Variants in GMDS observed in about 807,000 individuals in gnomAD.
The protein encoded by GMDS is GDP-mannose 4,6 dehydratase.
In GMDS, 20 loss-of-function variants were observed where a neutral mutation model predicts 49.9. The observed-to-expected ratio is 0.40, with a 90% CI of 0.28 to 0.58. The LOEUF is 0.58. GMDS is among the 20% of genes least tolerant of loss of function. The pLI is 0.42. For synonymous variants in GMDS, 177 were observed against 178.6 expected (o/e 0.99, Z 0.07); for missense variants, 362 against 481.4 (o/e 0.75, Z 2.32).
At chr6:2,123,222 A>G in intron 2 of GMDS, among the ~76,000 whole-genome samples, 1 of 152,194 alleles carries the variant, frequency 6.6e-6, no homozygotes, top group East Asian at 1.9e-4. Context: ...CCATCACTGC[A>G]GCGCATAGCC....
intron 2 of GMDS, among the ~76,000 whole-genome samples, chr6:2,122,608 T>C (rs1775201581): frequency 6.6e-6 from 1 of 152,212 alleles, no homozygotes; most frequent in Non-Finnish European, 1.5e-5. Context: ...CATAAAAACA[T>C]AAGGCCTGTG....
chr6:1,821,611 G>GTTTTTTT (rs3039703), intron 7 of GMDS, among the ~76,000 whole-genome samples: 3 of 109,850 alleles, frequency 2.7e-5, no homozygotes, highest in Non-Finnish European at 3.7e-5. Flanking sequence ...CAATTTATTT[G>GTTTTTTT]TTTTTTTTTT....
chr6:1,702,590 C>T (rs1765580440), intron 9 of GMDS, among the ~76,000 whole-genome samples: 1 of 152,212 alleles, frequency 6.6e-6, no homozygotes, highest in East Asian at 1.9e-4. Context: ...GGAGAGAAGC[C>T]ACCACGTTGT....
chr6:2,069,872 T>A (rs12179846), intron 4 of GMDS, among the ~76,000 whole-genome samples: 1 of 151,738 alleles, frequency 6.6e-6, no homozygotes, highest in Non-Finnish European at 1.5e-5. Context: ...ATCCCTCAGG[T>A]ATCTAGAATT....
intron 7 of GMDS, among the ~76,000 whole-genome samples, chr6:1,857,772 A>C (rs1758001938): frequency 6.6e-6 from 1 of 152,166 alleles, no homozygotes; most frequent in South Asian, 2.1e-4. Context: ...TTTGTTTATT[A>C]ATAAAAATCA....
At chr6:1,891,634 A>G (rs1759875473) in intron 7 of GMDS, among the ~76,000 whole-genome samples, 1 of 152,254 alleles carries the variant, frequency 6.6e-6, no homozygotes, top group Admixed American at 6.5e-5. Flanking sequence ...GAAGAGGACG[A>G]ACCGCTAGGG....
At chr6:1,667,155 G>A (rs1764262512) in intron 9 of GMDS, among the ~76,000 whole-genome samples, 1 of 152,208 alleles carries the variant, frequency 6.6e-6, no homozygotes. Context: ...GAAGAAGCAG[G>A]TCTGTTAAGC....
intron 7 of GMDS, among the ~76,000 whole-genome samples, chr6:1,745,218 C>T (rs1382469839): frequency 6.6e-6 from 1 of 152,218 alleles, no homozygotes; most frequent in Admixed American, 6.5e-5. Context: ...TCTTTAGAAA[C>T]AGTCCGCTGT....
At chr6:2,218,113 T>G (rs1780420882) in intron 1 of GMDS, among the ~76,000 whole-genome samples, 1 of 152,106 alleles carries the variant, frequency 6.6e-6, no homozygotes, top group Admixed American at 6.5e-5. Context: ...CCACCTTTCC[T>G]CACTGCTTCC....
intron 7 of GMDS, among the ~76,000 whole-genome samples, chr6:1,774,463 T>G (rs948360861): frequency 6.6e-6 from 1 of 152,242 alleles, no homozygotes; most frequent in African/African-American, 2.4e-5. Flanking sequence ...CAGCTGCAGA[T>G]AGTTTTCATA....
At chr6:2,166,576 T>C in intron 1 of GMDS, among the ~76,000 whole-genome samples, 1 of 152,162 alleles carries the variant, frequency 6.6e-6, no homozygotes, top group East Asian at 1.9e-4. Flanking sequence ...CTCCTCACAA[T>C]CACCCACAAA....
intron 7 of GMDS, among the ~76,000 whole-genome samples, chr6:1,840,678 C>A (rs1364238455): frequency 6.6e-6 from 1 of 152,188 alleles, no homozygotes; most frequent in Non-Finnish European, 1.5e-5. Context: ...GCCGCACTTC[C>A]AAGTGGAGCA....
chr6:1,905,229 G>A (rs1760697336), intron 7 of GMDS, among the ~76,000 whole-genome samples: 1 of 152,274 alleles, frequency 6.6e-6, no homozygotes, highest in Admixed American at 6.5e-5. Context: ...CTCACCCCTG[G>A]TGCCGAGGGC....
chr6:2,142,207 T>C (rs1304453247), intron 1 of GMDS, among the ~76,000 whole-genome samples: 2 of 152,104 alleles, frequency 1.3e-5, no homozygotes, highest in Non-Finnish European at 1.5e-5. Flanking sequence ...GAAGGAGCTG[T>C]TTAAATAACA....
chr6:1,732,978 G>A (rs1428063266), intron 8 of GMDS, among the ~76,000 whole-genome samples: 1 of 152,258 alleles, frequency 6.6e-6, no homozygotes, highest in East Asian at 1.9e-4. Context: ...AAGCGAGACT[G>A]CAACGAAGAA....
intron 7 of GMDS, among the ~76,000 whole-genome samples, chr6:1,901,230 G>A (rs746780882): frequency 1.6e-4 from 25 of 152,174 alleles, no homozygotes; most frequent in Middle Eastern, 3.2e-3. Flanking sequence ...GAGATGGCCT[G>A]TGCTAATTAC....
intron 9 of GMDS, among the ~76,000 whole-genome samples, chr6:1,656,636 T>C (rs981980557): frequency 1.3e-5 from 2 of 151,890 alleles, no homozygotes; most frequent in Non-Finnish European, 2.9e-5. Flanking sequence ...TGGTGGTGTG[T>C]GCCTGTAATC....
At chr6:2,056,001 A>T in intron 4 of GMDS, among the ~76,000 whole-genome samples, 1 of 152,306 alleles carries the variant, frequency 6.6e-6, no homozygotes, top group Non-Finnish European at 1.5e-5. Context: ...ACATCTAATT[A>T]TTAGCATGTC....
At chr6:1,999,262 C>A (rs1174980584) in intron 4 of GMDS, among the ~76,000 whole-genome samples, 1 of 144,986 alleles carries the variant, frequency 6.9e-6, no homozygotes, top group Non-Finnish European at 1.5e-5. Context: ...TTGGAGGCTG[C>A]AGTGAGCCGA....
Sources: allele counts gnomAD v4.1 joint callset (sites outside exome capture counted in the v4.1 genomes callset), GRCh38; gene constraint gnomAD v4.1.1; transcripts MANE v1.5; gene names NCBI Gene and HGNC (gene_info 2026-07-23, HGNC 2026-07-21).